TTLL11: variants seen among roughly 807,000 people sequenced by gnomAD.
The protein encoded by TTLL11 is tubulin polyglutamylase TTLL11.
In TTLL11, 42 loss-of-function variants were observed where a neutral mutation model predicts 51.7. That is an observed-to-expected ratio of 0.81 (90% confidence interval 0.64 to 1.05). TTLL11 has a LOEUF of 1.05. TTLL11 is among the 50% of genes least tolerant of loss of function. The pLI, the probability that TTLL11 is intolerant of heterozygous loss-of-function variation, is 0.00. For missense variants in TTLL11, 799 were observed against 940.4 expected (o/e 0.85, Z 1.97); for synonymous variants, 381 against 383.5 (o/e 0.99, Z 0.08).
At chr9:121,824,592 T>C (rs1836692775) in intron 8 of TTLL11, among the ~76,000 whole-genome samples, 1 of 151,764 alleles carries the variant, frequency 6.6e-6, no homozygotes. Context: ...ACTCCCATGT[T>C]TTTTAACTAA....
intron 6 of TTLL11, among the ~76,000 whole-genome samples, chr9:121,915,689 A>G (rs553633404): frequency 5.3e-5 from 8 of 152,170 alleles, no homozygotes; most frequent in Non-Finnish European, 7.3e-5. Flanking sequence ...CACATGCTTC[A>G]AGCCTAATAA....
intron 8 of TTLL11, among the ~76,000 whole-genome samples, chr9:121,843,161 C>T (rs1405350851): frequency 1.3e-5 from 2 of 151,780 alleles, no homozygotes; most frequent in African/African-American, 4.8e-5. Context: ...CATAGTGAGA[C>T]CCCCATCTTT....
At chr9:121,843,817 C>T (rs1048958093) in intron 8 of TTLL11, among the ~76,000 whole-genome samples, 10 of 152,164 alleles carry the variant, frequency 6.6e-5, no homozygotes, top group Middle Eastern at 3.4e-3. Context: ...GGACTACAGG[C>T]GTGTGACATC....
intron 4 of TTLL11, among the ~76,000 whole-genome samples, chr9:121,985,235 T>C (rs1236470693): frequency 2.0e-5 from 3 of 152,240 alleles, no homozygotes; most frequent in Non-Finnish European, 4.4e-5. Flanking sequence ...GTGTTCTATC[T>C]GCACGGAACA....
At chr9:121,933,012 AG>A (rs1239968986) in intron 6 of TTLL11, among the ~76,000 whole-genome samples, 2 of 152,238 alleles carry the variant, frequency 1.3e-5, no homozygotes, top group African/African-American at 4.8e-5. Flanking sequence ...CTCACGGAAA[AG>A]ATTGATCAAC....
chr9:121,909,139 C>T (rs1246024760), intron 6 of TTLL11, among the ~76,000 whole-genome samples: 1 of 152,182 alleles, frequency 6.6e-6, no homozygotes, highest in East Asian at 1.9e-4. Flanking sequence ...ACTTATTGAT[C>T]CATTCCTTCA....
At chr9:122,072,720 C>G (rs1382202428) in intron 1 of TTLL11, among the ~76,000 whole-genome samples, 3 of 152,168 alleles carry the variant, frequency 2.0e-5, no homozygotes, top group Non-Finnish European at 4.4e-5. Flanking sequence ...TGCTGAGCCC[C>G]TGCCCCCTGC....
chr9:121,919,872 G>GAAAAA (rs1840465250), intron 6 of TTLL11, among the ~76,000 whole-genome samples: 1 of 145,914 alleles, frequency 6.9e-6, no homozygotes. Flanking sequence ...AAAAAAAAAG[G>GAAAAA]AAATATCCTA....
chr9:121,907,284 T>C (rs982221588), intron 6 of TTLL11, among the ~76,000 whole-genome samples: 1 of 151,970 alleles, frequency 6.6e-6, no homozygotes, highest in Admixed American at 6.6e-5. Context: ...ACCCCTTCTC[T>C]ACTAAAAATA....
At chr9:121,983,646 A>C (rs1564340803) in intron 4 of TTLL11, among the ~76,000 whole-genome samples, 1 of 152,236 alleles carries the variant, frequency 6.6e-6, no homozygotes, top group Non-Finnish European at 1.5e-5. Flanking sequence ...TTTACGCTCC[A>C]GCTTAAGCAT....
intron 1 of TTLL11, among the ~76,000 whole-genome samples, chr9:122,077,766 T>C (rs1845897854): frequency 6.6e-6 from 1 of 151,752 alleles, no homozygotes; most frequent in African/African-American, 2.4e-5. Flanking sequence ...GAATGCATGT[T>C]GTTTTCAAGC....
At chr9:121,835,821 A>G (rs1037988659) in intron 8 of TTLL11, among the ~76,000 whole-genome samples, 79 of 152,190 alleles carry the variant, frequency 5.2e-4, no homozygotes, top group Non-Finnish European at 1.3e-4. Flanking sequence ...ACAGGGCCAC[A>G]GTTCTAGTCA....
At chr9:122,053,569 T>C (rs953604485) in intron 1 of TTLL11, among the ~76,000 whole-genome samples, 3 of 148,198 alleles carry the variant, frequency 2.0e-5, no homozygotes, top group African/African-American at 7.5e-5. Context: ...GAATGGAGAG[T>C]GGATGAGGAG....
In TTLL11 at chr9:121,870,533, AT is replaced by A; in HGVS notation, c.1696del (p.Met566Ter). The A allele has an allele frequency of 6.4e-7, 1 of 1,551,634 alleles. No homozygotes were observed. The highest frequency in any genetic ancestry group is 8.7e-7 in the Non-Finnish European group (1 of 1,146,988). Reference sequence around the variant, plus strand: ...ACGAAAGCCTGTTGGCCCCAACTTCATTGTCCCCTTGATGCCCAGGAACCGG... The same window carrying A: ...ACGAAAGCCTGTTGGCCCCAACTTCATGTCCCCTTGATGCCCAGGAACCGG... ...FIRFLGIKGT[M>X]KLGPTGFRTF... On this transcript the variant is annotated frameshift_variant, in exon 7 of 9. Coordinates refer to ENST00000321582, the MANE Select transcript of TTLL11 (RefSeq NM_001139442.2). LOFTEE classifies it high-confidence loss of function.
At chr9:122,039,876 T>G (rs1407987561) in intron 1 of TTLL11, among the ~76,000 whole-genome samples, 2 of 151,804 alleles carry the variant, frequency 1.3e-5, no homozygotes, top group Non-Finnish European at 2.9e-5. Context: ...TCTCTCTCTC[T>G]CTCTCTCTCT....
At chr9:122,028,876 G>A (rs562970018) in intron 3 of TTLL11, among the ~76,000 whole-genome samples, 8 of 152,278 alleles carry the variant, frequency 5.3e-5, no homozygotes, top group Admixed American at 5.2e-4. Flanking sequence ...TATTTGGAAA[G>A]TCCGCAAATG....
At chr9:121,845,057 C>T (rs1305669523) in intron 8 of TTLL11, among the ~76,000 whole-genome samples, 2 of 152,008 alleles carry the variant, frequency 1.3e-5, no homozygotes, top group African/African-American at 4.8e-5. Context: ...AAATCTACAC[C>T]TAGAGAAAAT....
chr9:121,856,043 C>T (rs1167256964), intron 8 of TTLL11, among the ~76,000 whole-genome samples: 1 of 152,168 alleles, frequency 6.6e-6, no homozygotes, highest in Non-Finnish European at 1.5e-5. Flanking sequence ...TGAAGTTAGA[C>T]TGGTTTTTAT....
intron 3 of TTLL11, among the ~76,000 whole-genome samples, chr9:122,001,558 AG>A (rs111427233): frequency 0.046 from 6,970 of 151,890 alleles, 195 homozygotes; most frequent in African/African-American, 0.084. Flanking sequence ...AGCCTACTTC[AG>A]GGGTCAAGGT....
Sources: allele counts gnomAD v4.1 joint callset (sites outside exome capture counted in the v4.1 genomes callset), GRCh38; gene constraint gnomAD v4.1.1; transcripts MANE v1.5; gene names NCBI Gene and HGNC (gene_info 2026-07-23, HGNC 2026-07-21).